DST: variants seen among roughly 807,000 people sequenced by gnomAD.
The protein encoded by DST is dystonin.
Under a neutral mutation model 875.2 loss-of-function variants are expected in DST, and 253 were observed. That is an observed-to-expected ratio of 0.29 (90% CI 0.26 to 0.32). The LOEUF (loss-of-function observed/expected upper bound fraction) is 0.32. Among genes scored for constraint, DST ranks in the 10% least tolerant of loss-of-function variants. The pLI, the probability that DST is intolerant of heterozygous loss-of-function variation, is 1.00. For missense variants in DST, 8,287 were observed against 9,111.6 expected (o/e 0.91, Z 3.68); for synonymous variants, 3,124 against 3,197.1 (o/e 0.98, Z 0.77).
In DST at chr6:56,568,517, T is replaced by C. The variant is rs755211581; in HGVS notation, c.13957A>G (p.Ile4653Val). 7.4e-6 allele frequency: 12 copies of C among 1,612,550 alleles called. No individual in the cohort carries two copies. Among genetic ancestry groups the C allele is most frequent in the Admixed American group, 1.7e-5 (1 of 59,810 alleles). The change falls in exon 55 of 104, where the codon ATA becomes GTA. Residue 4653 changes from isoleucine (I) to valine (V), a missense_variant. By Grantham distance (29) the Ile-to-Val change is conservative (BLOSUM62 3). Around this residue, in one of 10 missense-constraint regions of DST, gnomAD observed 1,513 missense variants for 1,677.8 expected, o/e 0.90. Coordinates refer to ENST00000680361, the MANE Select transcript of DST (RefSeq NM_001374736.1). The stretch of plus-strand genomic sequence containing the variant: ...TTTGCAGGGGTGGTCACAGCACTTA[T>C]TAAGTTACATAGTGAGATCCCACTG... ...NNSGISLCNL[I>V]SAVTTPAKAI...
rs1562869296 is a variant in DST at position 56,569,992 on chromosome 6, CAAG to C, written c.13739_13741del (p.Ser4580del). On this transcript the variant is annotated inframe_deletion, in exon 54 of 104. Transcript: ENST00000680361. ...TTGGAAAGCATCCAACTGTTCTTGA[CAAG>C]AAGTTACAGCTTCTTTTCTACATAA... 2 of 1,591,132 alleles carry C rather than the reference CAAG, an allele frequency of 1.3e-6. No individual in the cohort carries two copies. The highest frequency in any genetic ancestry group is 1.7e-6 in the Non-Finnish European group (2 of 1,173,438).
intron 4 of DST, among the ~76,000 whole-genome samples, chr6:56,753,923 A>C (rs1360249417): frequency 6.6e-6 from 1 of 152,270 alleles, no homozygotes; most frequent in South Asian, 2.1e-4. Context: ...TTGTCCAGTT[A>C]GAGTAACAGC....
intron 3 of DST, among the ~76,000 whole-genome samples, chr6:56,867,758 G>A (rs577224536): frequency 2.0e-5 from 3 of 152,082 alleles, no homozygotes; most frequent in Admixed American, 6.5e-5. Flanking sequence ...ACTTGAACCC[G>A]GGTGGCAGAG....
At chr6:56,485,178 T>G in intron 88 of DST, 134 bp downstream of exon 88, 2 of 979,906 alleles carry the variant, frequency 2.0e-6, no homozygotes, top group South Asian at 3.2e-5. Context: ...CGGACACATA[T>G]TTCAACAATA....
At chr6:56,701,455 T>C (rs1245225079) in intron 8 of DST, among the ~76,000 whole-genome samples, 1 of 152,032 alleles carries the variant, frequency 6.6e-6, no homozygotes, top group Non-Finnish European at 1.5e-5. Context: ...GAAAAATGCT[T>C]ATACTAAATT....
rs1195409368 is a variant in DST at position 56,617,089 on chromosome 6, C to T, written c.4930-2605G>A. ...TCGTCAGAAACTTGTTAAGAGTTTT[C>T]TGAACTTCTTCAACAGTCTTAAGAC... On this transcript the variant is annotated intron_variant, in intron 36 of 103. Coordinates refer to ENST00000680361, the MANE Select transcript of DST (RefSeq NM_001374736.1). The T allele has an allele frequency of 2.5e-6, 4 of 1,613,964 alleles. No individual in the cohort carries two copies. The East Asian group carries it at 8.9e-5, about 36-fold the overall frequency.
chr6:56,604,000 T>A lies in DST; in HGVS notation c.10628A>T (p.Asn3543Ile), dbSNP rs747811408. Residue 3543 changes from asparagine to isoleucine, a missense_variant, in exon 40 of 104, where the codon AAT (asparagine) becomes ATT (isoleucine). Transcript: ENST00000680361. ...TCCAATTTCTTTTACAGTTTCTAAA[T>A]TAGGAGAATAGTAGTTTCCTTCTTT... ...KSKEGNYYSP[N>I]LETVKEIGLE... The A allele has an allele frequency of 8.1e-6, 13 of 1,605,152 alleles. No homozygotes were observed. The East Asian group carries it at 2.9e-4, about 36-fold the overall frequency.
intron 87 of DST, among the ~76,000 whole-genome samples, chr6:56,486,127 G>A (rs2095552095): frequency 6.6e-6 from 1 of 152,062 alleles, no homozygotes; most frequent in Non-Finnish European, 1.5e-5. Context: ...ACTTTGGGAG[G>A]CCGAGGCGGG....
chr6:56,845,054 G>A (rs2099805674), intron 4 of DST, among the ~76,000 whole-genome samples: 1 of 152,144 alleles, frequency 6.6e-6, no homozygotes, highest in African/African-American at 2.4e-5. Context: ...TGTTATATAA[G>A]GATTAGCTGC....
At chr6:56,878,802 T>A (rs1483115557) in intron 3 of DST, among the ~76,000 whole-genome samples, 1 of 152,148 alleles carries the variant, frequency 6.6e-6, no homozygotes, top group African/African-American at 2.4e-5. Context: ...CTTTTGCCAC[T>A]GCAGCCTGAA....
At chr6:56,579,674 A>G (rs554801244) in intron 49 of DST, among the ~76,000 whole-genome samples, 24 of 152,268 alleles carry the variant, frequency 1.6e-4, no homozygotes, top group African/African-American at 5.8e-4. Flanking sequence ...AACAGAAGAC[A>G]CAAAGATGAG....
chr6:56,896,028 G>A (rs1435110705), intron 3 of DST, among the ~76,000 whole-genome samples: 3 of 43,044 alleles, frequency 7.0e-5, no homozygotes, highest in East Asian at 1.1e-3. Flanking sequence ...AGAGGGAGAC[G>A]GGAGAGGGAG....
intron 5 of DST, among the ~76,000 whole-genome samples, chr6:56,709,688 G>A (rs936000571): frequency 1.3e-5 from 2 of 152,110 alleles, no homozygotes; most frequent in African/African-American, 4.8e-5. Context: ...AGTTCTATGG[G>A]TACAAAGATG....
Position 56,750,850 on chromosome 6 carries a change from A to G in DST, c.626-15561T>C, listed in dbSNP as rs2099584765. ...TTCCAGAATTTGGCAATACTGAGCAAAAGCTTTAAAAGTGTTCATAATGTT... is the reference window on the plus strand; with the variant it reads ...TTCCAGAATTTGGCAATACTGAGCAGAAGCTTTAAAAGTGTTCATAATGTT... On this transcript the variant is annotated intron_variant, in intron 4 of 103. Coordinates refer to ENST00000680361, the MANE Select transcript of DST (RefSeq NM_001374736.1). Among the ~76,000 whole-genome samples the G allele has an allele frequency of 1.3e-5, 2 of 152,204 alleles. 1 individual carries two copies. The highest frequency in any genetic ancestry group is 4.1e-4 in the South Asian group (2 of 4,832).
chr6:56,578,996 G>A (rs960665123), intron 49 of DST, 59 bp from the exon 50 acceptor site: 36 of 1,377,908 alleles, frequency 2.6e-5, no homozygotes, highest in Non-Finnish European at 3.4e-5. Context: ...GATTTCTAAT[G>A]TGGAAAAAAT....
intron 2 of DST, among the ~76,000 whole-genome samples, chr6:56,904,507 GA>G (rs1351113556): frequency 6.6e-6 from 1 of 152,034 alleles, no homozygotes; most frequent in Non-Finnish European, 1.5e-5. Context: ...ACACAGCATA[GA>G]AAAAATACTT....
chr6:56,479,894 T>C (rs1037696083), intron 90 of DST, among the ~76,000 whole-genome samples: 2 of 152,204 alleles, frequency 1.3e-5, no homozygotes, highest in Non-Finnish European at 2.9e-5. Context: ...TATACTCATA[T>C]AGCAAACGTG....
intron 50 of DST, 35 bp from the exon 51 acceptor site, chr6:56,573,922 GT>G (rs747150537): frequency 4.7e-6 from 7 of 1,502,984 alleles, no homozygotes; most frequent in Non-Finnish European, 5.5e-6. Context: ...TAACCACAAA[GT>G]TCTCTTTGCC....
At chr6:56,672,541 C>A (rs2099107179) in intron 9 of DST, among the ~76,000 whole-genome samples, 1 of 151,910 alleles carries the variant, frequency 6.6e-6, no homozygotes, top group African/African-American at 2.4e-5. Context: ...ATTCTTTGGC[C>A]CAAGTTCCAA....
Sources: gnomAD v4.1 joint callset for allele counts (sites outside exome capture counted in the v4.1 genomes callset) on GRCh38, gnomAD v4.1.1 for gene constraint, gnomAD v4.1.1 regional missense constraint, MANE v1.5 for transcripts, NCBI Gene and HGNC (gene_info 2026-07-23, HGNC 2026-07-21) for gene names.